The following NCOA1 variants were observed in gnomAD, a reference collection of about 807,000 sequenced individuals.
NCOA1 encodes the protein nuclear receptor coactivator 1.
Under a neutral mutation model 150.9 loss-of-function variants are expected in NCOA1, and 35 were observed. That is an observed-to-expected ratio of 0.23 (90% CI 0.18 to 0.31). The LOEUF (loss-of-function observed/expected upper bound fraction) is 0.31. Among genes scored for constraint, NCOA1 ranks in the 10% least tolerant of loss-of-function variants. The pLI, the probability that NCOA1 is intolerant of heterozygous loss-of-function variation, is 1.00. For synonymous variants in NCOA1, 590 were observed against 630.0 expected, an observed-to-expected ratio of 0.94 and a Z score of 0.95; for missense variants, 1,491 against 1,749.3, an observed-to-expected ratio of 0.85 and a Z score of 2.63.
rs1257726056 is a variant in NCOA1, at chr2:24,706,575, A to G, written c.1105A>G (p.Ser369Gly). The change falls in exon 13 of 23, where the codon AGT (serine) becomes GGT (glycine). Residue 369 changes from serine (S) to glycine (G), a missense_variant. Around this residue, in one of 8 missense-constraint regions of NCOA1, gnomAD observed 703 missense variants for 717.7 expected, o/e 0.98. Coordinates refer to ENST00000348332, the MANE Select transcript of NCOA1 (RefSeq NM_003743.5). The part of the protein sequence containing the change: ...MGIHIIDREH[S>G]GLSPQDDTNS... ...ATGTCTTTTTCCCCCTAGGGAGCACAGTGGGCTTTCTCCTCAAGATGACAC... is the reference window on the plus strand; with the variant it reads ...ATGTCTTTTTCCCCCTAGGGAGCACGGTGGGCTTTCTCCTCAAGATGACAC... The G allele has an allele frequency of 6.2e-7, 1 of 1,609,082 alleles. No individual in the cohort carries two copies. Among genetic ancestry groups the G allele is most frequent in the African/African-American group, 1.3e-5 (1 of 75,002 alleles).
chr2:24,571,451 T>G (rs1335356835), intron 2 of NCOA1, among the ~76,000 whole-genome samples: 2 of 152,200 alleles, frequency 1.3e-5, no homozygotes, highest in African/African-American at 2.4e-5. Flanking sequence ...CTCAGCACTT[T>G]ATACATATTT....
intron 2 of NCOA1, among the ~76,000 whole-genome samples, chr2:24,573,992 G>T (rs1333246080): frequency 6.6e-6 from 1 of 151,634 alleles, no homozygotes; most frequent in Non-Finnish European, 1.5e-5. Context: ...ATGCCTAGGA[G>T]AAAGGAAAGA....
chr2:24,635,838 T>G (rs552496668), intron 3 of NCOA1, among the ~76,000 whole-genome samples: 1 of 152,156 alleles, frequency 6.6e-6, no homozygotes, highest in African/African-American at 2.4e-5. Context: ...GAAGTTTAAG[T>G]TTCTTTGAGT....
At chr2:24,511,817 G>A (rs1351707047) in intron 1 of NCOA1, among the ~76,000 whole-genome samples, 1 of 151,382 alleles carries the variant, frequency 6.6e-6, no homozygotes, top group African/African-American at 2.4e-5. Context: ...AAAAATTTAT[G>A]TCTTTTTTTT....
At chr2:24,716,143 CAAAAAAAA>C (rs35089767) in intron 14 of NCOA1, among the ~76,000 whole-genome samples, 1 of 85,364 alleles carries the variant, frequency 1.2e-5, no homozygotes, top group African/African-American at 5.0e-5. Context: ...GACTCCGTCT[CAAAAAAAA>C]AAAAAAAAAA....
chr2:24,665,715 A>G (rs572149228), intron 5 of NCOA1, 34 bp from the exon 6 acceptor site: 4 of 1,457,928 alleles, frequency 2.7e-6, no homozygotes, highest in South Asian at 1.5e-5. Flanking sequence ...TGGTGATACA[A>G]ATGTACACTA....
chr2:24,766,200 T>G (rs1395991171), intron 22 of NCOA1, among the ~76,000 whole-genome samples: 1 of 152,216 alleles, frequency 6.6e-6, no homozygotes, highest in Non-Finnish European at 1.5e-5. Context: ...ATGCCTATCC[T>G]AGACTATCTT....
At chr2:24,617,749 TATAAA>T (rs1411219578) in intron 3 of NCOA1, among the ~76,000 whole-genome samples, 3 of 152,194 alleles carry the variant, frequency 2.0e-5, no homozygotes, top group Non-Finnish European at 2.9e-5. Flanking sequence ...ATTCAGAGAA[TATAAA>T]CAAAGTTTTA....
chr2:24,607,449 G>A (rs1668420482), intron 3 of NCOA1, among the ~76,000 whole-genome samples: 2 of 152,158 alleles, frequency 1.3e-5, no homozygotes, highest in South Asian at 4.1e-4. Context: ...CAGCACTTTG[G>A]GAGGCCAAGG....
At chr2:24,557,513 C>T (rs1292820838) in intron 1 of NCOA1, among the ~76,000 whole-genome samples, 1 of 151,562 alleles carries the variant, frequency 6.6e-6, no homozygotes, top group Admixed American at 6.6e-5. Flanking sequence ...TGCTCCTCCT[C>T]CTCTTCTTCC....
At chr2:24,686,316 T>C (rs892305019) in intron 8 of NCOA1, among the ~76,000 whole-genome samples, 3 of 152,204 alleles carry the variant, frequency 2.0e-5, no homozygotes, top group Non-Finnish European at 2.9e-5. Flanking sequence ...TTCTTCTTTT[T>C]TGAATTGTAG....
Position 24,770,399 on chromosome 2 carries a change from C to T in NCOA1, c.*2008C>T, listed in dbSNP as rs1248428319. 1 of 230,014 alleles carries T rather than the reference C, an allele frequency of 4.3e-6. No individual in the cohort carries two copies. Among genetic ancestry groups the T allele is most frequent in the Non-Finnish European group, 8.6e-6 (1 of 115,910 alleles). The allele number at this position is 230,014 out of a possible 1,614,324, so 14.2% of individuals were successfully genotyped here. ...AATTGGAGATGCTAACATCCTCCCC[C>T]ATCCCAACTGCACCTTAAAATATGC... On this transcript the variant is annotated 3_prime_UTR_variant, in exon 23 of 23. Transcript: ENST00000348332.
chr2:24,706,690 C>G lies in NCOA1; in HGVS notation c.1220C>G (p.Pro407Arg). 6.2e-7 allele frequency: 1 copy of G among 1,614,158 alleles called. No homozygotes were observed. Among genetic ancestry groups the G allele is most frequent in the Non-Finnish European group, 8.5e-7 (1 of 1,180,024 alleles). ...GGTGTGGCTCGTTCATCCACATTGC[C>G]ACCATCCAACAGCAACATGGTATCC... ...AHGVARSSTL[P>R]PSNSNMVSTR... Residue 407 changes from proline to arginine, a missense_variant, in exon 13 of 23, where the codon CCA (proline) becomes CGA (arginine). Physicochemically the swap from Pro to Arg is moderately radical, Grantham distance 103. This residue lies in a region of NCOA1 where 703 missense variants were observed against 717.7 expected (regional missense o/e 0.98). Coordinates refer to ENST00000348332, the MANE Select transcript of NCOA1 (RefSeq NM_003743.5).
At chr2:24,761,476 C>G (rs1664792919) in intron 21 of NCOA1, among the ~76,000 whole-genome samples, 1 of 152,094 alleles carries the variant, frequency 6.6e-6, no homozygotes, top group East Asian at 1.9e-4. Flanking sequence ...TCTTCCATAT[C>G]TCCAACATTT....
chr2:24,686,158 C>T (rs774468794), intron 8 of NCOA1, among the ~76,000 whole-genome samples: 3 of 152,068 alleles, frequency 2.0e-5, no homozygotes, highest in Admixed American at 6.6e-5. Context: ...CCCACCACCA[C>T]GCCCAGCTAA....
intron 3 of NCOA1, among the ~76,000 whole-genome samples, chr2:24,598,325 A>G (rs1283366095): frequency 6.6e-6 from 1 of 152,226 alleles, no homozygotes; most frequent in African/African-American, 2.4e-5. Context: ...ATTATAAGGA[A>G]TAGTCACAAG....
At chr2:24,512,268 A>G (rs1663966615) in intron 1 of NCOA1, among the ~76,000 whole-genome samples, 1 of 152,220 alleles carries the variant, frequency 6.6e-6, no homozygotes, top group Non-Finnish European at 1.5e-5. Flanking sequence ...TACCTATTCA[A>G]ACATCATTTT....
intron 1 of NCOA1, among the ~76,000 whole-genome samples, chr2:24,521,252 G>C (rs1158033361): frequency 1.3e-5 from 2 of 152,110 alleles, no homozygotes; most frequent in Non-Finnish European, 2.9e-5. Context: ...ATATGTTTTT[G>C]TGGTGAGAAT....
intron 5 of NCOA1, among the ~76,000 whole-genome samples, chr2:24,662,206 G>T (rs1671214428): frequency 1.3e-5 from 2 of 152,204 alleles, no homozygotes; most frequent in Admixed American, 1.3e-4. Context: ...CCAGCATTGT[G>T]CACAGATCCT....
Sources: allele counts gnomAD v4.1 joint callset (sites outside exome capture counted in the v4.1 genomes callset), GRCh38; gene constraint gnomAD v4.1.1; regional missense constraint gnomAD v4.1.1; transcripts MANE v1.5; gene names NCBI Gene and HGNC (gene_info 2026-07-23, HGNC 2026-07-21).